C10orf67: variants seen among roughly 807,000 people sequenced by gnomAD.
The protein encoded by C10orf67 is chromosome 10 open reading frame 67.
In C10orf67, 60 loss-of-function variants were observed where a neutral mutation model predicts 35.6. The ratio of observed to expected loss-of-function variants is 1.68; its 90% CI spans 1.37 to 2.09. The LOEUF (loss-of-function observed/expected upper bound fraction) is 2.09. C10orf67 is among the 30% of genes most tolerant of loss of function. The probability of loss-of-function intolerance (pLI) is 0.00; values close to 1 mark genes in which losing one functional copy is unlikely to be tolerated. For synonymous variants in C10orf67, 167 were observed against 115.8 expected (o/e 1.44, Z -2.84); for missense variants, 474 against 330.2 (o/e 1.44, Z -3.38).
intron 4 of C10orf67, among the ~76,000 whole-genome samples, chr10:23,311,431 G>A (rs1254433152): frequency 6.6e-6 from 1 of 152,192 alleles, no homozygotes; most frequent in East Asian, 1.9e-4. Context: ...CCAGCTTGGG[G>A]CCGGGCACGG....
chr10:23,327,920 A>G (rs187688164), intron 2 of C10orf67, among the ~76,000 whole-genome samples: 1 of 152,284 alleles, frequency 6.6e-6, no homozygotes, highest in East Asian at 1.9e-4. Flanking sequence ...ACACCAGATA[A>G]TTTGTTGCAC....
intron 4 of C10orf67, among the ~76,000 whole-genome samples, chr10:23,305,955 C>T (rs935984121): frequency 6.0e-5 from 9 of 149,624 alleles, no homozygotes; most frequent in Non-Finnish European, 1.0e-4. Context: ...ATGAAGAAAA[C>T]GTTACATACG....
intron 4 of C10orf67, among the ~76,000 whole-genome samples, chr10:23,311,026 G>T (rs566166252): frequency 6.6e-6 from 1 of 151,608 alleles, no homozygotes; most frequent in African/African-American, 2.4e-5. Flanking sequence ...GAGTACAGTG[G>T]CATGATCGTT....
chr10:23,300,304 G>A (rs368695819), intron 5 of C10orf67, among the ~76,000 whole-genome samples: 132 of 152,200 alleles, frequency 8.7e-4, no homozygotes, highest in African/African-American at 2.9e-3. Flanking sequence ...TTAGGCATTC[G>A]ATTTTCCCAG....
intron 13 of C10orf67, among the ~76,000 whole-genome samples, chr10:23,235,227 GA>G (rs1458974768): frequency 6.6e-6 from 1 of 151,940 alleles, no homozygotes; most frequent in South Asian, 2.1e-4. Flanking sequence ...GAAATTCAAT[GA>G]AAAAAGACAA....
At chr10:23,263,280 T>C (rs955420773) in intron 10 of C10orf67, among the ~76,000 whole-genome samples, 3 of 152,208 alleles carry the variant, frequency 2.0e-5, no homozygotes, top group African/African-American at 7.2e-5. Flanking sequence ...TTTAACCAAG[T>C]AAGAGTTGCA....
intron 15 of C10orf67, among the ~76,000 whole-genome samples, chr10:23,222,493 G>A (rs369778376): frequency 8.5e-5 from 13 of 152,140 alleles, no homozygotes; most frequent in Admixed American, 7.2e-4. Context: ...AACAGACACC[G>A]GGGTCTCCAA....
Position 23,223,800 on chromosome 10 carries a change from C to T in C10orf67, c.1453G>A (p.Val485Met), listed in dbSNP as rs1399478527. Residue 485 changes from valine to methionine, a missense_variant, in exon 14 of 16, where the codon GTG (valine) becomes ATG (methionine). Physicochemically the swap from Val to Met is conservative, Grantham distance 21. Transcript: ENST00000636213. The part of the protein sequence containing the change: ...FNYIKVKPLL[V>M]QSRTTMTAIS... ...GCTGTCATGGTCGTTCTAGACTGCA[C>T]TAATAAGGGTTTTACTTTCTGAAAG... 1.4e-6 allele frequency: 1 copy of T among 715,066 alleles called. No homozygotes were observed. Among genetic ancestry groups the T allele is most frequent in the Non-Finnish European group, 2.6e-6 (1 of 384,902 alleles). 44.3% of individuals were successfully genotyped at this position (715,066 alleles called of 1,614,324 possible).
intron 13 of C10orf67, among the ~76,000 whole-genome samples, chr10:23,233,750 T>C (rs1462556392): frequency 6.6e-6 from 1 of 152,236 alleles, no homozygotes; most frequent in Non-Finnish European, 1.5e-5. Context: ...CACATATATC[T>C]TCTTGTCTTG....
chr10:23,274,455 T>G (rs1843122669), intron 8 of C10orf67, among the ~76,000 whole-genome samples: 1 of 152,084 alleles, frequency 6.6e-6, no homozygotes, highest in African/African-American at 2.4e-5. Flanking sequence ...ATGCATTCCT[T>G]TCCCAGGATA....
intron 5 of C10orf67, among the ~76,000 whole-genome samples, chr10:23,301,051 A>G (rs1262423584): frequency 2.0e-5 from 3 of 152,220 alleles, no homozygotes; most frequent in Admixed American, 2.0e-4. Context: ...ATTTGCTTTA[A>G]GTCTGAGAAA....
intron 13 of C10orf67, among the ~76,000 whole-genome samples, chr10:23,225,344 T>G (rs971994152): frequency 1.3e-5 from 2 of 152,140 alleles, no homozygotes; most frequent in African/African-American, 2.4e-5. Context: ...CCACCAGGCC[T>G]GCCCTAAAAG....
intron 12 of C10orf67, among the ~76,000 whole-genome samples, chr10:23,245,524 C>A (rs1009536588): frequency 1.7e-4 from 26 of 152,120 alleles, no homozygotes; most frequent in African/African-American, 6.0e-4. Context: ...AAGAGAACAA[C>A]CTGATTTAAA....
chr10:23,239,733 T>C lies in C10orf67; in HGVS notation c.1430A>G (p.Tyr477Cys). The C allele has an allele frequency of 1.5e-6, 1 of 655,444 alleles. No homozygotes were observed. Among genetic ancestry groups the C allele is most frequent in the Non-Finnish European group, 2.9e-6 (1 of 339,774 alleles). The allele number at this position is 655,444 out of a possible 1,614,324, so 40.6% of individuals were successfully genotyped here. A position where few individuals can be genotyped will look rare whatever the true frequency, so the allele number is the denominator to read the frequency against. The part of the protein sequence containing the change: ...FAVLADTSFN[Y>C]IKVKPLLVQS... ...CTAAACATTACATGCACTTACAATA[T>C]AATTGAAGGATGTGTCAGCAAGCAC... Residue 477 changes from tyrosine (Y) to cysteine (C), a missense_variant, in exon 13 of 16, where the codon TAT becomes TGT. By Grantham distance (194) the Tyr-to-Cys change is radical. Coordinates refer to ENST00000636213, the MANE Select transcript of C10orf67 (RefSeq NM_001371909.1).
intron 7 of C10orf67, among the ~76,000 whole-genome samples, chr10:23,285,336 A>G (rs1481029513): frequency 6.7e-6 from 1 of 150,160 alleles, no homozygotes; most frequent in Non-Finnish European, 1.5e-5. Flanking sequence ...CAAGCAGATT[A>G]GGACTCTGCT....
Position 23,223,588 on chromosome 10 carries a change from T to A in C10orf67, c.1570+10A>T, listed in dbSNP as rs1172496876. 1.4e-6 allele frequency: 1 copy of A among 717,182 alleles called. No individual in the cohort carries two copies. Among genetic ancestry groups the A allele is most frequent in the Non-Finnish European group, 2.6e-6 (1 of 384,888 alleles). 44.4% of individuals were successfully genotyped at this position (717,182 alleles called of 1,614,324 possible). ...GTGTGAACCTCATTTCCAACAATAA[T>A]GATTCTTACCTTTTGGTGAAAGTTG... On this transcript the variant is annotated intron_variant, in intron 15 of 15. Coordinates refer to ENST00000636213, the MANE Select transcript of C10orf67 (RefSeq NM_001371909.1).
intron 13 of C10orf67, among the ~76,000 whole-genome samples, chr10:23,238,126 G>C (rs948290963): frequency 3.9e-5 from 6 of 152,148 alleles, no homozygotes; most frequent in Admixed American, 1.3e-4. Context: ...GTGAAGCAAA[G>C]AGCCATTTTT....
intron 13 of C10orf67, among the ~76,000 whole-genome samples, chr10:23,236,387 G>A (rs191397484): frequency 8.6e-5 from 13 of 151,656 alleles, no homozygotes; most frequent in Admixed American, 3.3e-4. Flanking sequence ...AGACGAGATC[G>A]TGCCACTGCA....
intron 15 of C10orf67, among the ~76,000 whole-genome samples, chr10:23,220,711 TG>T (rs1054825079): frequency 2.0e-5 from 3 of 152,280 alleles, no homozygotes; most frequent in African/African-American, 7.2e-5. Flanking sequence ...ATCTGTAAAA[TG>T]GGGGAAAGCA....
Sources: allele counts gnomAD v4.1 joint callset (sites outside exome capture counted in the v4.1 genomes callset), GRCh38; gene constraint gnomAD v4.1.1; transcripts MANE v1.5; gene names NCBI Gene and HGNC (gene_info 2026-07-23, HGNC 2026-07-21).